BBX: variants seen among roughly 807,000 people sequenced by gnomAD.
BBX encodes the protein HMG box transcription factor BBX.
A neutral mutation model predicts 100.2 loss-of-function variants in BBX; 30 were observed. That is an observed-to-expected ratio of 0.30 (90% CI 0.22 to 0.41). BBX has a LOEUF of 0.41. Among genes scored for constraint, BBX ranks in the 10% least tolerant of loss-of-function variants. BBX has a pLI of 1.00. For synonymous variants in BBX, 376 were observed against 388.1 expected (o/e 0.97, Z 0.37); for missense variants, 1,023 against 1,129.8 (o/e 0.91, Z 1.35).
chr3:107,705,583 A>G (rs1251469087), intron 3 of BBX, among the ~76,000 whole-genome samples: 1 of 152,232 alleles, frequency 6.6e-6, no homozygotes, highest in Non-Finnish European at 1.5e-5. Context: ...TCTGGGCAGC[A>G]TATGGATCAC....
rs1395348589 is a variant in BBX at position 107,809,336 on chromosome 3, AGCTGGAG to A, written c.*3888_*3894del. ...AATCGTAAATGTTCTGAAGACGAGCAGCTGGAGGCTGGAGGATGGCATTCCATACAGC... is the reference window on the plus strand; with the variant it reads ...AATCGTAAATGTTCTGAAGACGAGCAGCTGGAGGATGGCATTCCATACAGC... On this transcript the variant is annotated 3_prime_UTR_variant, in exon 18 of 18. Transcript: ENST00000325805. The A allele has an allele frequency of 6.6e-6, 1 of 152,246 alleles. No homozygotes were observed. The allele number at this position is 152,246 out of a possible 1,614,324, so 9.4% of individuals were successfully genotyped here.
At chr3:107,713,369 A>G (rs1307151953) in intron 4 of BBX, among the ~76,000 whole-genome samples, 1 of 152,156 alleles carries the variant, frequency 6.6e-6, no homozygotes, top group Admixed American at 6.5e-5. Flanking sequence ...GTTAGAAGTT[A>G]TCTCCTTAAA....
intron 7 of BBX, among the ~76,000 whole-genome samples, chr3:107,733,474 T>C (rs535690030): frequency 6.6e-6 from 1 of 152,230 alleles, no homozygotes; most frequent in Admixed American, 6.5e-5. Context: ...AACATGGCAT[T>C]TCAGGATTGT....
chr3:107,656,625 T>G (rs965446509), intron 3 of BBX, among the ~76,000 whole-genome samples: 2 of 152,246 alleles, frequency 1.3e-5, no homozygotes, highest in Non-Finnish European at 2.9e-5. Flanking sequence ...ATCTTTCTCC[T>G]GCTCTGTTCT....
chr3:107,693,937 G>T (rs1268469575), intron 3 of BBX, among the ~76,000 whole-genome samples: 1 of 151,052 alleles, frequency 6.6e-6, no homozygotes, highest in African/African-American at 2.5e-5. Context: ...TGGATTGCTA[G>T]GTATTTTATT....
chr3:107,616,202 A>C (rs1453107106), intron 2 of BBX, among the ~76,000 whole-genome samples: 3 of 151,790 alleles, frequency 2.0e-5, no homozygotes, highest in Admixed American at 6.6e-5. Context: ...TAGTGCCAAC[A>C]TGATTCTCAA....
chr3:107,556,625 G>C (rs1014763496), intron 2 of BBX, among the ~76,000 whole-genome samples: 6 of 152,086 alleles, frequency 3.9e-5, no homozygotes, highest in African/African-American at 1.2e-4. Flanking sequence ...GCGTGTTAAG[G>C]CACAGACTAC....
chr3:107,555,871 A>C (rs989428041), intron 2 of BBX, among the ~76,000 whole-genome samples: 1 of 152,258 alleles, frequency 6.6e-6, no homozygotes, highest in Non-Finnish European at 1.5e-5. Context: ...GCTGTCTTAA[A>C]CATTAGGGCA....
Position 107,772,690 on chromosome 3 carries a change from C to T in BBX, c.969C>T (p.Ser323=), listed in dbSNP as rs530414573. 90 of 1,603,888 alleles carry T rather than the reference C, an allele frequency of 5.6e-5. No homozygotes were observed. Among genetic ancestry groups the T allele is most frequent in the South Asian group, 2.1e-4 (18 of 87,602 alleles). Reference sequence around the variant, plus strand: ...CAAAGCTAATAAAAGCAAAAGAATCCGATGGTGGAAGAATTAAAGAATTAG... The same window carrying T: ...CAAAGCTAATAAAAGCAAAAGAATCTGATGGTGGAAGAATTAAAGAATTAG... ...EESKLIKAKE[S]DGGRIKELEK... The change falls in exon 11 of 18, where the codon TCC becomes TCT. Residue 323 remains serine (S), a synonymous_variant. Transcript: ENST00000325805.
At chr3:107,527,484 T>C (rs183633053) in intron 2 of BBX, among the ~76,000 whole-genome samples, 5 of 152,356 alleles carry the variant, frequency 3.3e-5, no homozygotes, top group African/African-American at 1.2e-4. Flanking sequence ...AACTGTTGTC[T>C]TAGTATTGAG....
intron 2 of BBX, among the ~76,000 whole-genome samples, chr3:107,585,408 G>A (rs980168488): frequency 3.9e-5 from 6 of 152,118 alleles, no homozygotes; most frequent in Admixed American, 1.3e-4. Context: ...TAAATGAGAC[G>A]TATCTTCATA....
At chr3:107,559,063 G>T (rs878856248) in intron 2 of BBX, among the ~76,000 whole-genome samples, 1 of 152,226 alleles carries the variant, frequency 6.6e-6, no homozygotes, top group Admixed American at 6.5e-5. Context: ...GTGTAAGAAA[G>T]TTGGTTATTC....
intron 7 of BBX, among the ~76,000 whole-genome samples, chr3:107,740,340 C>T (rs968688223): frequency 6.6e-6 from 1 of 152,078 alleles, no homozygotes; most frequent in Non-Finnish European, 1.5e-5. Context: ...CTTGGAAACA[C>T]AGGCATTGTG....
intron 16 of BBX, among the ~76,000 whole-genome samples, chr3:107,799,877 C>G (rs770988773): frequency 6.6e-6 from 1 of 152,128 alleles, no homozygotes; most frequent in African/African-American, 2.4e-5. Context: ...TGAGACCCCC[C>G]GGCCGCAAAA....
chr3:107,557,537 T>C (rs1365368882), intron 2 of BBX, among the ~76,000 whole-genome samples: 1 of 152,232 alleles, frequency 6.6e-6, no homozygotes, highest in Non-Finnish European at 1.5e-5. Context: ...GGTAATCTAT[T>C]TTATAGTAAG....
intron 12 of BBX, among the ~76,000 whole-genome samples, chr3:107,776,760 A>C (rs2107811917): frequency 6.6e-6 from 1 of 152,306 alleles, no homozygotes; most frequent in South Asian, 2.1e-4. Context: ...AGACCTTATG[A>C]GTTACGTCTC....
At chr3:107,699,248 G>A (rs1210046787) in intron 3 of BBX, among the ~76,000 whole-genome samples, 2 of 151,934 alleles carry the variant, frequency 1.3e-5, no homozygotes, top group Non-Finnish European at 2.9e-5. Flanking sequence ...GCTAAGCCCC[G>A]AAGCAGGGAT....
intron 3 of BBX, among the ~76,000 whole-genome samples, chr3:107,705,158 C>G (rs1280063872): frequency 6.6e-6 from 1 of 152,088 alleles, no homozygotes; most frequent in African/African-American, 2.4e-5. Context: ...GGTTTTTCCT[C>G]TCCTCCGTAG....
In BBX at chr3:107,759,778, T is replaced by C. The variant is rs1040496713; in HGVS notation, c.906+4100T>C. Among the ~76,000 whole-genome samples the C allele has an allele frequency of 2.0e-5, 3 of 152,188 alleles. No individual in the cohort carries two copies. In the South Asian group the frequency reaches 6.2e-4, roughly 32 times the overall value. ...AAACCTTCTTCTAAGATCGGTGATA[T>C]AGGAACATGTTACCTCCAAGTACAG... On this transcript the variant is annotated intron_variant, in intron 10 of 17. Transcript: ENST00000325805.
Sources: allele counts gnomAD v4.1 joint callset (sites outside exome capture counted in the v4.1 genomes callset), GRCh38; gene constraint gnomAD v4.1.1; transcripts MANE v1.5; gene names NCBI Gene and HGNC (gene_info 2026-07-23, HGNC 2026-07-21).